The following PKHD1L1 variants were observed in gnomAD, a reference collection of about 807,000 sequenced individuals.
PKHD1L1 encodes the protein fibrocystin-L.
A neutral mutation model predicts 462.9 loss-of-function variants in PKHD1L1; 434 were observed. The observed-to-expected ratio is 0.94, with a 90% CI of 0.87 to 1.02. PKHD1L1 has a LOEUF of 1.02. Among genes scored for constraint, PKHD1L1 ranks in the 50% least tolerant of loss-of-function variants. The pLI is 0.00. For synonymous variants in PKHD1L1, 1,781 were observed against 1,750.0 expected (o/e 1.02, Z -0.44); for missense variants, 5,202 against 5,096.1 (o/e 1.02, Z -0.63).
Position 109,475,244 on chromosome 8 carries a change from A to G in PKHD1L1, c.8732A>G (p.Tyr2911Cys), listed in dbSNP as rs35139915. The change falls in exon 51 of 78, where the codon TAT (tyrosine) becomes TGT (cysteine). Residue 2911 changes from tyrosine to cysteine, a missense_variant. By Grantham distance (194) the Tyr-to-Cys change is radical (BLOSUM62 -2). Transcript: ENST00000378402. ...GTGGATCACATAACCAACATTTCAT[A>G]TACATCGACATTCTATGGATTCAAG... ...KGVDHITNIS[Y>C]TSTFYGFKEE... is the part of the protein sequence containing the mutation. 1 of 1,607,964 alleles carries G rather than the reference A, an allele frequency of 6.2e-7. No homozygotes were observed. The highest frequency in any genetic ancestry group is 8.5e-7 in the Non-Finnish European group (1 of 1,176,418).
Position 109,445,227 on chromosome 8 carries a change from A to G in PKHD1L1, c.5358A>G (p.Gln1786=). Residue 1786 remains glutamine (Q), a synonymous_variant, in exon 38 of 78, where the codon CAA becomes CAG. Coordinates refer to ENST00000378402, the MANE Select transcript of PKHD1L1 (RefSeq NM_177531.6). ...ACATTGCTGTTTTCATTGGAAATCA[A>G]CAGTTCAGAGCAATAGAGGTTAATG... is the stretch of plus-strand genomic sequence containing the variant. ...LEDIAVFIGN[Q]QFRAIEVNEN... The G allele has an allele frequency of 6.2e-7, 1 of 1,614,032 alleles. No individual in the cohort carries two copies. Among genetic ancestry groups the G allele is most frequent in the Non-Finnish European group, 8.5e-7 (1 of 1,179,890 alleles).
At chr8:109,490,409 C>T (rs1037331261) in intron 60 of PKHD1L1, among the ~76,000 whole-genome samples, 1 of 151,134 alleles carries the variant, frequency 6.6e-6, no homozygotes, top group Non-Finnish European at 1.5e-5. Flanking sequence ...AAATGAAATG[C>T]ATGTCTGATC....
chr8:109,491,346 A>G (rs1818815901), intron 61 of PKHD1L1, among the ~76,000 whole-genome samples: 2 of 151,976 alleles, frequency 1.3e-5, no homozygotes, highest in African/African-American at 2.4e-5. Flanking sequence ...ATTGTACTTA[A>G]TATACATTTA....
At chr8:109,525,907 T>C (rs949805392) in intron 76 of PKHD1L1, among the ~76,000 whole-genome samples, 5 of 152,286 alleles carry the variant, frequency 3.3e-5, no homozygotes, top group East Asian at 1.9e-4. Flanking sequence ...TCTAATTATA[T>C]TCTTTTCCTA....
chr8:109,489,758 GA>G (rs998064246), intron 59 of PKHD1L1, among the ~76,000 whole-genome samples, 193 bp from the exon 60 acceptor site: 9 of 151,328 alleles, frequency 5.9e-5, no homozygotes, highest in South Asian at 2.1e-4. Flanking sequence ...AGGCTATTAG[GA>G]AAAAAAATGT....
At position 109,436,298 on chromosome 8, in the gene PKHD1L1, A is replaced by T. The variant is rs144699496; in HGVS notation, c.3506-40A>T. The T allele has an allele frequency of 4.1e-4, 654 of 1,576,944 alleles. 2 individuals carry two copies. Among genetic ancestry groups the T allele is most frequent in the Middle Eastern group, 2.8e-3 (13 of 4,648 alleles). ...CTAACATTTCTTTTTGTTATAGTTG[A>T]ACTGTTTTGTTGTTGTTTTTGTTTG... On this transcript the variant is annotated intron_variant, in intron 29 of 77. Transcript: ENST00000378402.
chr8:109,483,580 ATATGAC>A (rs1818378659), intron 57 of PKHD1L1, among the ~76,000 whole-genome samples: 1 of 149,546 alleles, frequency 6.7e-6, no homozygotes, highest in African/African-American at 2.4e-5. Flanking sequence ...TAAAATTAAA[ATATGAC>A]TATTAGTCAT....
chr8:109,374,722 C>T (rs1178859682), intron 2 of PKHD1L1, among the ~76,000 whole-genome samples: 3 of 152,174 alleles, frequency 2.0e-5, no homozygotes, highest in South Asian at 4.2e-4. Flanking sequence ...TCAGCATTTG[C>T]TTGTCTGTAA....
intron 21 of PKHD1L1, among the ~76,000 whole-genome samples, chr8:109,415,898 TG>T (rs1814142419): frequency 6.7e-6 from 1 of 150,008 alleles, no homozygotes; most frequent in Non-Finnish European, 1.5e-5. Flanking sequence ...TGTGTGTGTG[TG>T]TGTGTGTAGG....
In PKHD1L1 at chr8:109,388,533, A is replaced by G; in HGVS notation, c.606A>G (p.Ile202Met). 2 of 1,515,498 alleles carry G rather than the reference A, an allele frequency of 1.3e-6. No individual in the cohort carries two copies. Among genetic ancestry groups the G allele is most frequent in the South Asian group, 1.2e-5 (1 of 82,882 alleles). The allele number at this position is 1,515,498 out of a possible 1,614,324, so 93.9% of individuals were successfully genotyped here. Residue 202 changes from isoleucine to methionine, a missense_variant, in exon 7 of 78, where the codon ATA becomes ATG. Physicochemically the swap from Ile to Met is conservative, Grantham distance 10. Transcript: ENST00000378402. ...GAGGAATGCCCTGTGAGCTTCTCATACCACAATCTGATAATTTGTAAGTAA... is the reference window on the plus strand; with the variant it reads ...GAGGAATGCCCTGTGAGCTTCTCATGCCACAATCTGATAATTTGTAAGTAA... ...YIGGMPCELLIPQSDNLYGLK... is the reference protein window; with the variant it reads ...YIGGMPCELLMPQSDNLYGLK...
chr8:109,499,518 T>G (rs1238243694), intron 67 of PKHD1L1, among the ~76,000 whole-genome samples: 2 of 152,160 alleles, frequency 1.3e-5, no homozygotes, highest in Non-Finnish European at 2.9e-5. Flanking sequence ...ACATGCTACA[T>G]AGGTTGTAAT....
intron 49 of PKHD1L1, 34 bp downstream of exon 49, chr8:109,465,279 A>G (rs768790558): frequency 6.3e-7 from 1 of 1,580,422 alleles, no homozygotes; most frequent in South Asian, 1.2e-5. Flanking sequence ...ATAAAAATCC[A>G]TTGGAAATAT....
chr8:109,448,656 C>A (rs1482486552), intron 39 of PKHD1L1, among the ~76,000 whole-genome samples: 1 of 151,044 alleles, frequency 6.6e-6, no homozygotes, highest in Non-Finnish European at 1.5e-5. Flanking sequence ...GGACTACAGG[C>A]GCCCGCCACC....
intron 67 of PKHD1L1, among the ~76,000 whole-genome samples, chr8:109,500,163 T>C (rs1819329414): frequency 6.6e-6 from 1 of 152,114 alleles, no homozygotes; most frequent in Non-Finnish European, 1.5e-5. Flanking sequence ...TTATATTAAG[T>C]TATATATGAT....
At chr8:109,420,716 T>A in intron 23 of PKHD1L1, 26 bp downstream of exon 23, 1 of 1,467,840 alleles carries the variant, frequency 6.8e-7, no homozygotes, top group Non-Finnish European at 9.1e-7. Flanking sequence ...TGCATTAATT[T>A]TTATGTAGTG....
chr8:109,364,398 C>A (rs1356637137), intron 1 of PKHD1L1, 149 bp from the exon 2 acceptor site: 5 of 656,322 alleles, frequency 7.6e-6, no homozygotes, highest in Admixed American at 5.8e-5. Flanking sequence ...ATTGGCAGAG[C>A]CAAAAATAAA....
chr8:109,480,583 T>C (rs1223308240), intron 55 of PKHD1L1: 1 of 455,548 alleles, frequency 2.2e-6, no homozygotes, highest in East Asian at 6.9e-5. Context: ...ATGTTACAGT[T>C]ATTCGGAACA....
chr8:109,479,689 A>G (rs1473214933), intron 54 of PKHD1L1, 50 bp downstream of exon 54: 3 of 1,219,418 alleles, frequency 2.5e-6, no homozygotes, highest in Admixed American at 2.1e-5. Context: ...TGCAATATTA[A>G]CACTATGGCA....
chr8:109,397,923 T>C (rs1271033873), intron 11 of PKHD1L1, among the ~76,000 whole-genome samples: 1 of 152,234 alleles, frequency 6.6e-6, no homozygotes, highest in Non-Finnish European at 1.5e-5. Flanking sequence ...ATTGTGCTTA[T>C]GTAAAAGTTA....
Sources: allele counts gnomAD v4.1 joint callset (sites outside exome capture counted in the v4.1 genomes callset), GRCh38; gene constraint gnomAD v4.1.1; transcripts MANE v1.5; gene names NCBI Gene and HGNC (gene_info 2026-07-23, HGNC 2026-07-21).